Variants in CNDP1 observed in about 807,000 individuals in gnomAD.
CNDP1 encodes carnosine dipeptidase 1.
Under a neutral mutation model 58.1 loss-of-function variants are expected in CNDP1, and 44 were observed. That is an observed-to-expected ratio of 0.76 (90% confidence interval 0.60 to 0.97). The LOEUF (loss-of-function observed/expected upper bound fraction) is 0.97. CNDP1 is among the 50% of genes least tolerant of loss of function. The probability of loss-of-function intolerance (pLI) is 0.00; values close to 1 mark genes in which losing one functional copy is unlikely to be tolerated. For missense variants in CNDP1, 616 were observed against 655.1 expected (o/e 0.94, Z 0.65); for synonymous variants, 254 against 252.6 (o/e 1.01, Z -0.05).
intron 2 of CNDP1, among the ~76,000 whole-genome samples, chr18:74,558,540 G>A (rs1191904536): frequency 4.6e-5 from 7 of 151,838 alleles, no homozygotes; most frequent in Admixed American, 6.6e-5. Context: ...GACTACAGGC[G>A]CCCACCACCA....
chr18:74,549,341 A>G (rs747680843), intron 1 of CNDP1, among the ~76,000 whole-genome samples: 2 of 152,238 alleles, frequency 1.3e-5, no homozygotes, highest in Non-Finnish European at 2.9e-5. Flanking sequence ...GATTCATTTA[A>G]TGAATCTGAA....
At chr18:74,539,549 T>A (rs1036371284) in intron 1 of CNDP1, among the ~76,000 whole-genome samples, 1 of 152,184 alleles carries the variant, frequency 6.6e-6, no homozygotes, top group African/African-American at 2.4e-5. Flanking sequence ...TTTCCCCACC[T>A]GCAGGATTCC....
At chr18:74,576,785 G>T in intron 7 of CNDP1, 84 bp from the exon 8 acceptor site, 1 of 1,313,908 alleles carries the variant, frequency 7.6e-7, no homozygotes, top group Non-Finnish European at 1.0e-6. Flanking sequence ...CAACCCTGAA[G>T]AGTCCTCCCA....
chr18:74,546,856 C>G (rs1231371526), intron 1 of CNDP1, among the ~76,000 whole-genome samples: 1 of 152,252 alleles, frequency 6.6e-6, no homozygotes, highest in African/African-American at 2.4e-5. Flanking sequence ...GCCTCACATT[C>G]TGGGAATGAG....
chr18:74,565,348 C>T (rs950461222), intron 5 of CNDP1, among the ~76,000 whole-genome samples: 3 of 152,262 alleles, frequency 2.0e-5, no homozygotes, highest in Admixed American at 2.0e-4. Context: ...CAATAGTCCC[C>T]CAAAGTCTTA....
intron 7 of CNDP1, among the ~76,000 whole-genome samples, chr18:74,575,152 AGAAG>A (rs1211924748): frequency 3.9e-5 from 6 of 152,126 alleles, no homozygotes; most frequent in African/African-American, 7.2e-5. Flanking sequence ...AGAAAGAAAG[AGAAG>A]GAAGGAAGGA....
intron 1 of CNDP1, among the ~76,000 whole-genome samples, chr18:74,541,025 C>T (rs1388665149): frequency 6.6e-6 from 1 of 152,220 alleles, no homozygotes; most frequent in Admixed American, 6.5e-5. Context: ...ATGCTAGTTC[C>T]AGACACCCAC....
chr18:74,551,204 G>A (rs535892358), intron 1 of CNDP1, among the ~76,000 whole-genome samples: 9 of 152,144 alleles, frequency 5.9e-5, no homozygotes, highest in African/African-American at 2.2e-4. Flanking sequence ...CTCACAAGGT[G>A]AGCTGATGCT....
chr18:74,554,425 T>C (rs1364594616), intron 1 of CNDP1, among the ~76,000 whole-genome samples: 2 of 152,178 alleles, frequency 1.3e-5, no homozygotes, highest in African/African-American at 4.8e-5. Context: ...GTCTGGGACA[T>C]TTTCAGTAGG....
intron 1 of CNDP1, among the ~76,000 whole-genome samples, chr18:74,549,745 C>T (rs932619399): frequency 7.2e-5 from 11 of 152,132 alleles, no homozygotes; most frequent in African/African-American, 2.7e-4. Flanking sequence ...TTGAGGAAGC[C>T]CCTCTCACCA....
intron 1 of CNDP1, among the ~76,000 whole-genome samples, chr18:74,540,215 T>C (rs972127676): frequency 6.6e-6 from 1 of 150,756 alleles, no homozygotes; most frequent in Admixed American, 6.7e-5. Context: ...TAGAGTGCAA[T>C]GGCGCGATCT....
At chr18:74,535,734 A>G (rs1980471417) in intron 1 of CNDP1, among the ~76,000 whole-genome samples, 1 of 152,108 alleles carries the variant, frequency 6.6e-6, no homozygotes, top group Non-Finnish European at 1.5e-5. Context: ...GCAACATGAA[A>G]GAAAATAATT....
intron 5 of CNDP1, among the ~76,000 whole-genome samples, chr18:74,566,781 A>T (rs1981338110): frequency 6.6e-6 from 1 of 152,200 alleles, no homozygotes; most frequent in Non-Finnish European, 1.5e-5. Context: ...CCTGTTACCC[A>T]GTTCCAAAGT....
intron 1 of CNDP1, among the ~76,000 whole-genome samples, chr18:74,552,548 CAAT>C (rs1449064157): frequency 6.6e-6 from 1 of 152,204 alleles, no homozygotes; most frequent in African/African-American, 2.4e-5. Context: ...TCACTTAGCA[CAAT>C]GTGTTCAAAG....
intron 11 of CNDP1, 138 bp downstream of exon 11, chr18:74,583,846 C>G (rs987574238): frequency 2.4e-6 from 2 of 843,128 alleles, no homozygotes; most frequent in Non-Finnish European, 3.7e-6. Context: ...AACAGACATT[C>G]ATTCCTCACA....
chr18:74,583,797 A>G, intron 11 of CNDP1, 89 bp downstream of exon 11: 1 of 1,302,552 alleles, frequency 7.7e-7, no homozygotes, highest in Non-Finnish European at 1.1e-6. Flanking sequence ...TGTTCAATTT[A>G]TGTGAGAATG....
Position 74,586,196 on chromosome 18 carries a change from G to A in CNDP1, c.*1634G>A, listed in dbSNP as rs1981910986. On this transcript the variant is annotated 3_prime_UTR_variant, in exon 12 of 12. Transcript: ENST00000358821. The stretch of plus-strand genomic sequence containing the variant: ...CCAACTGAGAGCTCAACCTAGTTGT[G>A]GGCATTTGTGAAGGATTCCAGTTAG... 1.3e-5 allele frequency: 2 copies of A among 152,050 alleles called. No homozygotes were observed. Among genetic ancestry groups the A allele is most frequent in the South Asian group, 4.1e-4 (2 of 4,832 alleles). 9.4% of individuals were successfully genotyped at this position (152,050 alleles called of 1,614,324 possible). A position where few individuals can be genotyped will look rare whatever the true frequency, so the allele number is the denominator to read the frequency against.
At chr18:74,546,549 C>T (rs1052256994) in intron 1 of CNDP1, among the ~76,000 whole-genome samples, 1 of 152,120 alleles carries the variant, frequency 6.6e-6, no homozygotes, top group African/African-American at 2.4e-5. Context: ...CGTATTCTCT[C>T]GTGCCACCCC....
At chr18:74,568,501 G>C (rs1336428306) in intron 6 of CNDP1, among the ~76,000 whole-genome samples, 1 of 152,168 alleles carries the variant, frequency 6.6e-6, no homozygotes, top group East Asian at 1.9e-4. Context: ...GCTAGAGGAA[G>C]CCCTTGGGAG....
Sources: gnomAD v4.1 joint callset for allele counts (sites outside exome capture counted in the v4.1 genomes callset) on GRCh38, gnomAD v4.1.1 for gene constraint, MANE v1.5 for transcripts, NCBI Gene and HGNC (gene_info 2026-07-23, HGNC 2026-07-21) for gene names.